RHOH: variants seen among roughly 807,000 people sequenced by gnomAD.
The protein encoded by RHOH is ras homolog family member H, also known as rho-related GTP-binding protein RhoH.
A neutral mutation model predicts 13.8 loss-of-function variants in RHOH; 6 were observed. The observed-to-expected ratio is 0.44, with a 90% confidence interval of 0.24 to 0.86. RHOH has a LOEUF of 0.86. Among genes scored for constraint, RHOH ranks in the 40% least tolerant of loss-of-function variants. The pLI is 0.24. For missense variants in RHOH, 147 were observed against 244.5 expected (o/e 0.60, Z 2.66); for synonymous variants, 117 against 103.0 (o/e 1.14, Z -0.82).
intron 1 of RHOH, chr4:40,240,470 C>CA (rs1729112561): frequency 6.6e-6 from 1 of 151,134 alleles, no homozygotes; most frequent in Non-Finnish European, 1.5e-5. Flanking sequence ...GACTCTGTCT[C>CA]AAAAAATAAA....
rs5857717 is a variant in RHOH, at chr4:40,210,089, C to CGTGTGTGTGT, written c.-331+12814_-331+12823dup. On this transcript the variant is annotated intron_variant, in intron 1 of 2. Transcript: ENST00000381799. ...GTAATATTCCTGATTACATTGTGTG[C>CGTGTGTGTGT]GTGTGTGTGTGTGTGTGTGTGTGTG... Among the ~76,000 whole-genome samples, 1,160 of 145,550 alleles carry CGTGTGTGTGT rather than the reference C, an allele frequency of 8.0e-3. 10 individuals are homozygous for CGTGTGTGTGT. The highest frequency in any genetic ancestry group is 0.021 in the Middle Eastern group (6 of 282).
At chr4:40,200,807 T>C (rs1024321700) in intron 1 of RHOH, among the ~76,000 whole-genome samples, 1 of 152,202 alleles carries the variant, frequency 6.6e-6, no homozygotes. Context: ...AAGCTATATA[T>C]TATTCCGGGG....
At chr4:40,232,777 C>A (rs1270839896) in intron 1 of RHOH, among the ~76,000 whole-genome samples, 1 of 152,120 alleles carries the variant, frequency 6.6e-6, no homozygotes, top group Non-Finnish European at 1.5e-5. Flanking sequence ...CTTCTACTTC[C>A]CCAAATCAAA....
chr4:40,216,787 A>AT (rs1725949538), intron 1 of RHOH, among the ~76,000 whole-genome samples: 1 of 152,204 alleles, frequency 6.6e-6, no homozygotes, highest in Non-Finnish European at 1.5e-5. Flanking sequence ...CTTAGAGTTG[A>AT]TTTTTAAAAC....
intron 1 of RHOH, among the ~76,000 whole-genome samples, chr4:40,217,744 A>C (rs909932540): frequency 6.6e-6 from 1 of 152,240 alleles, no homozygotes; most frequent in African/African-American, 2.4e-5. Flanking sequence ...ATTAAGGCAA[A>C]AATAAATAGA....
At chr4:40,222,708 G>T (rs1726734796) in intron 1 of RHOH, among the ~76,000 whole-genome samples, 1 of 152,200 alleles carries the variant, frequency 6.6e-6, no homozygotes, top group Non-Finnish European at 1.5e-5. Flanking sequence ...TATCTATTCT[G>T]CAACCCATGG....
chr4:40,206,604 AGTAG>A (rs1724672098), intron 1 of RHOH, among the ~76,000 whole-genome samples: 1 of 152,114 alleles, frequency 6.6e-6, no homozygotes, highest in Non-Finnish European at 1.5e-5. Flanking sequence ...TTATATCAAT[AGTAG>A]TCTTTCTCTG....
At chr4:40,199,865 G>A (rs1723730258) in intron 1 of RHOH, among the ~76,000 whole-genome samples, 1 of 152,118 alleles carries the variant, frequency 6.6e-6, no homozygotes, top group Non-Finnish European at 1.5e-5. Context: ...CACTCTCTAG[G>A]TTATAAATAT....
chr4:40,243,054 G>C lies in RHOH; in HGVS notation c.-209-124G>C, dbSNP rs1368252140. On this transcript the variant is annotated intron_variant, in intron 2 of 2. Coordinates refer to ENST00000381799, the MANE Select transcript of RHOH (RefSeq NM_004310.5). The surrounding 1 kb of genome is among the most constrained non-coding windows in gnomAD (Gnocchi z 6.2). ...GGGGAAGAGTGGATTGCACAAGCGG[G>C]GTTGGATGGCTACACTGAGATTACC... 3.9e-6 allele frequency: 1 copy of C among 254,310 alleles called. No homozygotes were observed. Among genetic ancestry groups the C allele is most frequent in the African/African-American group, 2.2e-5 (1 of 44,588 alleles). The allele number at this position is 254,310 out of a possible 1,614,324, so 15.8% of individuals were successfully genotyped here.
chr4:40,241,854 C>T (rs1729291131), intron 1 of RHOH, among the ~76,000 whole-genome samples: 1 of 152,114 alleles, frequency 6.6e-6, no homozygotes, highest in Non-Finnish European at 1.5e-5. Flanking sequence ...GACACCACTG[C>T]ACTCCAGTCT....
At chr4:40,219,262 A>G (rs1726248949) in intron 1 of RHOH, among the ~76,000 whole-genome samples, 1 of 152,078 alleles carries the variant, frequency 6.6e-6, no homozygotes, top group Non-Finnish European at 1.5e-5. Flanking sequence ...AAATACAAAA[A>G]TTAGCTGGGC....
At chr4:40,194,794 A>G (rs918246565), upstream of RHOH, among the ~76,000 whole-genome samples, 5 of 152,184 alleles carry the variant, frequency 3.3e-5, no homozygotes, top group Admixed American at 2.6e-4. Flanking sequence ...AGTTGCTTTT[A>G]GTAAACTCTT....
intron 1 of RHOH, among the ~76,000 whole-genome samples, chr4:40,206,263 T>G (rs1443869647): frequency 6.6e-6 from 1 of 152,204 alleles, no homozygotes; most frequent in Non-Finnish European, 1.5e-5. Flanking sequence ...TGTCACCTTC[T>G]TGAGAGACTC....
chr4:40,202,196 C>G (rs1724101870), intron 1 of RHOH, among the ~76,000 whole-genome samples: 1 of 152,076 alleles, frequency 6.6e-6, no homozygotes, highest in South Asian at 2.1e-4. Flanking sequence ...ATCCTCCTGC[C>G]TTGGCCTCCC....
chr4:40,192,775 G>GA (rs748212135), upstream of RHOH, among the ~76,000 whole-genome samples: 15 of 152,188 alleles, frequency 9.9e-5, no homozygotes, highest in Non-Finnish European at 1.6e-4. Context: ...CCAAGAAAAT[G>GA]GGCCTTGGGG....
intron 1 of RHOH, among the ~76,000 whole-genome samples, chr4:40,228,705 C>T (rs770172751): frequency 5.0e-4 from 76 of 152,066 alleles, no homozygotes; most frequent in Non-Finnish European, 7.5e-4. Context: ...GCTACGTTTA[C>T]GTCTAAGGGG....
At chr4:40,226,084 A>G (rs766640518) in intron 1 of RHOH, among the ~76,000 whole-genome samples, 5 of 152,200 alleles carry the variant, frequency 3.3e-5, no homozygotes, top group Non-Finnish European at 5.9e-5. Context: ...GCTAAGGGCC[A>G]GGCATTCATC....
chr4:40,213,995 G>C (rs1725591464), intron 1 of RHOH, among the ~76,000 whole-genome samples: 1 of 152,166 alleles, frequency 6.6e-6, no homozygotes, highest in Non-Finnish European at 1.5e-5. Context: ...GTGCTCAAGT[G>C]ATCTGCCCGC....
intron 1 of RHOH, among the ~76,000 whole-genome samples, chr4:40,233,754 T>C (rs1728222222): frequency 6.6e-6 from 1 of 152,052 alleles, no homozygotes; most frequent in Non-Finnish European, 1.5e-5. Context: ...CATAAAATAT[T>C]TTCCTCCTTT....
Sources: gnomAD v4.1 joint callset for allele counts (sites outside exome capture counted in the v4.1 genomes callset) on GRCh38, gnomAD v4.1.1 for gene constraint, Gnocchi (gnomAD v3.1) non-coding constraint, MANE v1.5 for transcripts, NCBI Gene and HGNC (gene_info 2026-07-23, HGNC 2026-07-21) for gene names.